Variants in COPRS observed in about 807,000 individuals in gnomAD.
COPRS encodes cooperator of PRMT5.
In COPRS, 11 loss-of-function variants were observed where a neutral mutation model predicts 19.9. The ratio of observed to expected loss-of-function variants is 0.55; its 90% CI spans 0.35 to 0.92. The LOEUF (loss-of-function observed/expected upper bound fraction) is 0.92. COPRS is among the 40% of genes least tolerant of loss of function. The pLI is 0.01. For synonymous variants in COPRS, 81 were observed against 82.7 expected (o/e 0.98, Z 0.11); for missense variants, 225 against 229.9 (o/e 0.98, Z 0.14).
intron 3 of COPRS, 55 bp from the exon 4 acceptor site, chr17:31,852,363 G>T: frequency 2.8e-6 from 4 of 1,412,514 alleles, no homozygotes; most frequent in Non-Finnish European, 2.9e-6. Flanking sequence ...AGGAAGGAAG[G>T]TAAAAACGGA....
In COPRS at chr17:31,853,025, C is replaced by T; in HGVS notation, c.172G>A (p.Gly58Arg). The T allele has an allele frequency of 6.2e-7, 1 of 1,612,464 alleles. No homozygotes were observed. Among genetic ancestry groups the T allele is most frequent in the Non-Finnish European group, 8.5e-7 (1 of 1,178,534 alleles). ...TEKAMDRLARGTQSIPNDSPA... is the reference protein window; with the variant it reads ...TEKAMDRLARRTQSIPNDSPA... ...CTGTCATTAGGAATGCTCTGTGTTC[C>T]ACGGGCTAAATTGACAAAGAGAAGA... The change falls in exon 3 of 4, where the codon GGA becomes AGA. Residue 58 changes from glycine (G) to arginine (R), a missense_variant. Around this residue, in one of 3 missense-constraint regions of COPRS, gnomAD observed 170 missense variants for 171.4 expected, o/e 0.99. Coordinates refer to ENST00000302362, the MANE Select transcript of COPRS (RefSeq NM_018405.4).
intron 2 of COPRS, 24 bp from the exon 3 acceptor site, chr17:31,853,054 C>T (rs2142273324): frequency 6.4e-7 from 1 of 1,571,368 alleles, no homozygotes; most frequent in South Asian, 1.1e-5. Context: ...GAGAAGATGG[C>T]CTTAGTGACA....
Position 31,852,823 on chromosome 17 carries a change from C to T in COPRS, c.374G>A (p.Gly125Glu), listed in dbSNP as rs1909205709. ...GACTCCACACCTACCATATGGATTC[C>T]CTTGATCTGCTTTCAACTCCGAGTC... ...DWDSELKADQGNPYDADDIQE... is the reference protein window; with the variant it reads ...DWDSELKADQENPYDADDIQE... Residue 125 changes from glycine (G) to glutamate (E), a missense_variant, in exon 3 of 4, where the codon GGG (glycine) becomes GAG (glutamate). By Grantham distance (98) the Gly-to-Glu change is moderately conservative. This residue lies in a region of COPRS where 170 missense variants were observed against 171.4 expected (regional missense o/e 0.99). Coordinates refer to ENST00000302362, the MANE Select transcript of COPRS (RefSeq NM_018405.4). 6.2e-7 allele frequency: 1 copy of T among 1,613,454 alleles called. No homozygotes were observed. Among genetic ancestry groups the T allele is most frequent in the Non-Finnish European group, 8.5e-7 (1 of 1,179,416 alleles).
chr17:31,858,888 G>A, intron 1 of COPRS: 1 of 1,527,714 alleles, frequency 6.5e-7, no homozygotes, highest in African/African-American at 1.4e-5. Context: ...GCCCACCCAC[G>A]CCCTCGGCTT....
At chr17:31,856,935 C>T in intron 1 of COPRS, 70 bp from the exon 2 acceptor site, 2 of 912,608 alleles carry the variant, frequency 2.2e-6, no homozygotes. Flanking sequence ...GCTATTGCAT[C>T]TCAACCCCAC....
chr17:31,857,666 T>A (rs1172914511), intron 1 of COPRS, among the ~76,000 whole-genome samples: 2 of 152,174 alleles, frequency 1.3e-5, no homozygotes, highest in African/African-American at 4.8e-5. Context: ...AAGACCTGAT[T>A]TTGATCCCAG....
Position 31,855,274 on chromosome 17 carries a change from G to T in COPRS, c.166+1525C>A, listed in dbSNP as rs187599324. 2.8e-3 allele frequency among the ~76,000 whole-genome samples: 430 copies of T among 152,204 alleles called. 4 individuals carry two copies. Among genetic ancestry groups the T allele is most frequent in the Admixed American group, 0.024 (367 of 15,286 alleles). On this transcript the variant is annotated intron_variant, in intron 2 of 3. Transcript: ENST00000302362. ...CGCCTGTAATCCCAGCACTTTGGGTGGCCAAGGAGGGCAGATCACGAGGTC... is the reference window on the plus strand; with the variant it reads ...CGCCTGTAATCCCAGCACTTTGGGTTGCCAAGGAGGGCAGATCACGAGGTC...
At chr17:31,858,545 G>A in intron 1 of COPRS, 1 of 427,864 alleles carries the variant, frequency 2.3e-6, no homozygotes, top group Non-Finnish European at 3.1e-6. Context: ...CTGTAATAAC[G>A]GTCTGTAACG....
chr17:31,852,117 T>C lies in COPRS; in HGVS notation c.*22A>G. 1.2e-6 allele frequency: 2 copies of C among 1,613,396 alleles called. No individual in the cohort carries two copies. The highest frequency in any genetic ancestry group is 2.2e-5 in the South Asian group (2 of 91,032). The stretch of plus-strand genomic sequence containing the variant: ...ATCTTGACGTGGAGGCCCGCCCACC[T>C]ACAAGGCAGAAAGCTCCACACTCAA... On this transcript the variant is annotated 3_prime_UTR_variant, in exon 4 of 4. Coordinates refer to ENST00000302362, the MANE Select transcript of COPRS (RefSeq NM_018405.4).
At chr17:31,852,763 G>A (rs1282773478) in intron 3 of COPRS, 49 bp downstream of exon 3, 1 of 1,337,700 alleles carries the variant, frequency 7.5e-7, no homozygotes, top group Admixed American at 1.7e-5. Flanking sequence ...GGTCTGACAG[G>A]TGTGTCTGAG....
intron 2 of COPRS, among the ~76,000 whole-genome samples, chr17:31,854,521 G>A (rs1476804915): frequency 1.2e-4 from 18 of 152,056 alleles, no homozygotes; most frequent in Admixed American, 1.1e-3. Context: ...GATACTCACA[G>A]CAGCACTATT....
At chr17:31,854,866 T>C (rs1325654560) in intron 2 of COPRS, among the ~76,000 whole-genome samples, 1 of 152,116 alleles carries the variant, frequency 6.6e-6, no homozygotes, top group African/African-American at 2.4e-5. Context: ...GGTTTCCTTT[T>C]AGGGTGATGA....
Position 31,852,014 on chromosome 17 carries a change from G to C in COPRS, c.*125C>G, listed in dbSNP as rs141300765. 1,778 of 1,051,288 alleles carry C rather than the reference G, an allele frequency of 1.7e-3. 3 individuals are homozygous for C. The highest frequency in any genetic ancestry group is 2.3e-3 in the Non-Finnish European group (1,663 of 709,100). The allele number at this position is 1,051,288 out of a possible 1,614,324, so 65.1% of individuals were successfully genotyped here. On this transcript the variant is annotated 3_prime_UTR_variant, in exon 4 of 4. Coordinates refer to ENST00000302362, the MANE Select transcript of COPRS (RefSeq NM_018405.4). ...TTGAACACTGTCAATAAGGAACACT[G>C]GTCTGTGTACCCCAGACTAGGGGTC...
intron 2 of COPRS, among the ~76,000 whole-genome samples, chr17:31,853,536 C>T (rs570272996): frequency 5.3e-5 from 8 of 152,236 alleles, no homozygotes; most frequent in South Asian, 2.1e-4. Flanking sequence ...CCCGCCACCA[C>T]GCCCAGCTAA....
At chr17:31,853,561 T>C (rs1056116841) in intron 2 of COPRS, among the ~76,000 whole-genome samples, 1 of 152,168 alleles carries the variant, frequency 6.6e-6, no homozygotes, top group African/African-American at 2.4e-5. Flanking sequence ...TTTGTATTTT[T>C]AGTAGAGACG....
intron 1 of COPRS, among the ~76,000 whole-genome samples, chr17:31,857,588 G>A (rs1321939022): frequency 1.3e-5 from 2 of 152,140 alleles, no homozygotes; most frequent in Non-Finnish European, 2.9e-5. Flanking sequence ...TCACTCAGAA[G>A]TTCCTGAAAC....
chr17:31,853,768 G>C (rs1028182933), intron 2 of COPRS, among the ~76,000 whole-genome samples: 6 of 152,186 alleles, frequency 3.9e-5, no homozygotes, highest in African/African-American at 1.2e-4. Context: ...ACTGCAGGCA[G>C]AAGACCAGAA....
At chr17:31,855,202 C>T (rs1029942078) in intron 2 of COPRS, among the ~76,000 whole-genome samples, 2 of 151,860 alleles carry the variant, frequency 1.3e-5, no homozygotes, top group Non-Finnish European at 2.9e-5. Flanking sequence ...ATGGTGAAAG[C>T]CCCTCTCCAC....
At chr17:31,854,994 C>T (rs1276007133) in intron 2 of COPRS, among the ~76,000 whole-genome samples, 2 of 152,152 alleles carry the variant, frequency 1.3e-5, no homozygotes, top group Non-Finnish European at 2.9e-5. Flanking sequence ...GCATCTTTTA[C>T]CACAATTTTT....
Sources: allele counts gnomAD v4.1 joint callset (sites outside exome capture counted in the v4.1 genomes callset), GRCh38; gene constraint gnomAD v4.1.1; regional missense constraint gnomAD v4.1.1; transcripts MANE v1.5; gene names NCBI Gene and HGNC (gene_info 2026-07-23, HGNC 2026-07-21).